TASP1: variants seen among roughly 807,000 people sequenced by gnomAD.
TASP1 encodes taspase 1.
TASP1 carries 16 observed loss-of-function variants against 56.6 expected under a neutral mutation model. The ratio of observed to expected loss-of-function variants is 0.28; its 90% confidence interval spans 0.19 to 0.43. The LOEUF (loss-of-function observed/expected upper bound fraction) is 0.43. Among genes scored for constraint, TASP1 ranks in the 20% least tolerant of loss-of-function variants. The pLI is 1.00. For synonymous variants in TASP1, 179 were observed against 184.2 expected (o/e 0.97, Z 0.23); for missense variants, 393 against 511.6 (o/e 0.77, Z 2.24).
chr20:13,486,551 A>G (rs1047263137), intron 10 of TASP1, among the ~76,000 whole-genome samples: 3 of 152,172 alleles, frequency 2.0e-5, no homozygotes, highest in Non-Finnish European at 2.9e-5. Context: ...TGTCCTTCCA[A>G]TAGGGACTAC....
the TASP1 span, among the ~76,000 whole-genome samples, chr20:13,112,539 T>G: frequency 0.32 from 48,438 of 152,054 alleles, 7,871 homozygotes; most frequent in Middle Eastern, 0.39. Flanking sequence ...CTTGTATGTA[T>G]AAGGATGGGA....
At chr20:13,240,973 G>A in the TASP1 span, among the ~76,000 whole-genome samples, 3 of 152,212 alleles carry the variant, frequency 2.0e-5, no homozygotes, top group Non-Finnish European at 4.4e-5. Context: ...AGGCTGTGAA[G>A]TGGACAGGGA....
chr20:13,630,072 T>C lies in TASP1; in HGVS notation c.7A>G (p.Met3Val). 4 of 1,612,450 alleles carry C rather than the reference T, an allele frequency of 2.5e-6. No homozygotes were observed. Among genetic ancestry groups the C allele is most frequent in the Non-Finnish European group, 3.4e-6 (4 of 1,179,544 alleles). Reference protein sequence around the residue: MTMEKGMSSGEGL... With the variant: MTVEKGMSSGEGL... ...TCTCCAGAACTCATCCCCTTCTCCA[T>C]GGTCATTCTCCAAGATTACCATCTT... Residue 3 changes from methionine to valine, a missense_variant, in exon 2 of 14, where the codon ATG (methionine) becomes GTG (valine). Met to Val is a conservative substitution (Grantham distance 21). Around this residue, in one of 3 missense-constraint regions of TASP1, gnomAD observed 52 missense variants for 51.1 expected, o/e 1.02. Transcript: ENST00000337743.
At position 13,502,805 on chromosome 20, in the gene TASP1, G is replaced by C. The variant is rs539831719; in HGVS notation, c.875-19468C>G. Among the ~76,000 whole-genome samples the C allele has an allele frequency of 6.8e-4, 103 of 152,290 alleles. 2 individuals carry two copies. Among genetic ancestry groups the C allele is most frequent in the Admixed American group, 6.5e-3 (100 of 15,290 alleles). On this transcript the variant is annotated intron_variant, in intron 10 of 13. Coordinates refer to ENST00000337743, the MANE Select transcript of TASP1 (RefSeq NM_017714.3). ...ACTACCTACAAAGGAAAATACATCT[G>C]TGGGAGTCCAGAGTCCAACAGAGAA...
chr20:13,455,063 T>C (rs1171917461), intron 11 of TASP1, among the ~76,000 whole-genome samples: 1 of 151,904 alleles, frequency 6.6e-6, no homozygotes, highest in Non-Finnish European at 1.5e-5. Context: ...GTCTAATAAA[T>C]AAAACAAAAA....
At chr20:13,248,915 T>C in the TASP1 span, among the ~76,000 whole-genome samples, 1 of 151,920 alleles carries the variant, frequency 6.6e-6, no homozygotes, top group African/African-American at 2.4e-5. Flanking sequence ...TGTAAGAGAG[T>C]TGATCAACAT....
chr20:13,385,863 G>C (rs1185750783), downstream of TASP1, among the ~76,000 whole-genome samples: 1 of 152,190 alleles, frequency 6.6e-6, no homozygotes, highest in Non-Finnish European at 1.5e-5. Context: ...CCAACTTCTA[G>C]GGAGTGCTGA....
chr20:13,635,832 C>A (rs1049466703), intron 1 of TASP1, among the ~76,000 whole-genome samples: 14 of 152,214 alleles, frequency 9.2e-5, no homozygotes, highest in African/African-American at 3.4e-4. Flanking sequence ...CTTGGCCTAA[C>A]CAAAACACGC....
At chr20:13,501,156 T>C (rs6033736) in intron 10 of TASP1, among the ~76,000 whole-genome samples, 32,320 of 151,896 alleles carry the variant, frequency 0.21, 3,617 homozygotes, top group Middle Eastern at 0.28. Context: ...GAAGTAAAGA[T>C]ATTTCTGATA....
the TASP1 span, among the ~76,000 whole-genome samples, chr20:13,189,737 T>C: frequency 6.6e-6 from 1 of 152,038 alleles, no homozygotes; most frequent in Admixed American, 6.6e-5. Context: ...TGTGGAAAAG[T>C]TTGGACATTT....
the TASP1 span, among the ~76,000 whole-genome samples, chr20:13,324,553 T>C: frequency 5.8e-3 from 889 of 152,316 alleles, 13 homozygotes; most frequent in Non-Finnish European, 4.7e-3. Flanking sequence ...TGGAAGAAAC[T>C]AAGTTTCAGT....
the TASP1 span, among the ~76,000 whole-genome samples, chr20:13,263,771 C>T: frequency 4.6e-5 from 7 of 152,044 alleles, no homozygotes; most frequent in East Asian, 1.9e-4. Context: ...CAAGCATTGT[C>T]GATAATAATA....
chr20:13,277,390 C>G, the TASP1 span, among the ~76,000 whole-genome samples: 32 of 152,256 alleles, frequency 2.1e-4, no homozygotes, highest in Non-Finnish European at 4.3e-4. Context: ...AATAGCCTTG[C>G]AGACGATTGT....
chr20:13,212,384 A>AT, the TASP1 span, among the ~76,000 whole-genome samples: 1 of 152,218 alleles, frequency 6.6e-6, no homozygotes, highest in Non-Finnish European at 1.5e-5. Flanking sequence ...ATGCTAAGCC[A>AT]TTGGGCTTTG....
At chr20:13,212,112 T>C in the TASP1 span, among the ~76,000 whole-genome samples, 1 of 152,182 alleles carries the variant, frequency 6.6e-6, no homozygotes, top group Non-Finnish European at 1.5e-5. Flanking sequence ...CTAAGCATTA[T>C]AGGAATTCTT....
the TASP1 span, chr20:13,288,565 G>A: frequency 1.2e-5 from 20 of 1,613,790 alleles, no homozygotes; most frequent in Non-Finnish European, 1.0e-5. Context: ...AGGGTGACTG[G>A]AGTCTCTGGT....
chr20:13,571,222 T>C (rs1229166835), intron 6 of TASP1, among the ~76,000 whole-genome samples: 1 of 152,210 alleles, frequency 6.6e-6, no homozygotes, highest in Non-Finnish European at 1.5e-5. Flanking sequence ...TGGATAAGGA[T>C]ACTAACTATC....
At chr20:13,621,082 A>G (rs1353412984) in intron 4 of TASP1, among the ~76,000 whole-genome samples, 1 of 152,180 alleles carries the variant, frequency 6.6e-6, no homozygotes, top group Non-Finnish European at 1.5e-5. Flanking sequence ...AGTCCATAGA[A>G]AAGTTAATTG....
Position 13,390,098 on chromosome 20 carries a change from C to T in TASP1, c.*262G>A. 2 of 332,264 alleles carry T rather than the reference C, an allele frequency of 6.0e-6. No individual in the cohort carries two copies. The highest frequency in any genetic ancestry group is 4.6e-5 in the Admixed American group (1 of 21,766). 20.6% of individuals were successfully genotyped at this position (332,264 alleles called of 1,614,324 possible). ...CACAATGAGGAGTTTCTATTTCATC[C>T]ACGGAGAAGCAAACACACATACTCC... On this transcript the variant is annotated 3_prime_UTR_variant, in exon 14 of 14. Transcript: ENST00000337743.
Sources: allele counts gnomAD v4.1 joint callset (sites outside exome capture counted in the v4.1 genomes callset), GRCh38; gene constraint gnomAD v4.1.1; regional missense constraint gnomAD v4.1.1; transcripts MANE v1.5; gene names NCBI Gene and HGNC (gene_info 2026-07-23, HGNC 2026-07-21).